The following MTAP variants were observed in gnomAD, a reference collection of about 807,000 sequenced individuals.
MTAP encodes the protein S-methyl-5'-thioadenosine phosphorylase.
A neutral mutation model predicts 33.6 loss-of-function variants in MTAP; 33 were observed. That is an observed-to-expected ratio of 0.98 (90% CI 0.74 to 1.31). The LOEUF (loss-of-function observed/expected upper bound fraction) is 1.31, where lower values mean the gene tolerates loss of function less well. Ranked by LOEUF, MTAP falls within the 40% of genes most tolerant of loss-of-function variation. The probability of loss-of-function intolerance (pLI) is 0.00; values close to 1 mark genes in which losing one functional copy is unlikely to be tolerated. For missense variants in MTAP, 367 were observed against 360.0 expected, an observed-to-expected ratio of 1.02 and a Z score of -0.16; for synonymous variants, 148 against 125.7, an observed-to-expected ratio of 1.18 and a Z score of -1.19.
chr9:21,859,079 T>A, intron 6 of MTAP: 1 of 421,300 alleles, frequency 2.4e-6, no homozygotes, highest in Non-Finnish European at 4.1e-6. Context: ...GGGGCCTCTT[T>A]TGTAAGATCA....
chr9:21,924,463 G>T (rs764537862), intron 1 of MTAP, among the ~76,000 whole-genome samples: 4 of 152,244 alleles, frequency 2.6e-5, no homozygotes, highest in Non-Finnish European at 5.9e-5. Flanking sequence ...TGCTCTATCA[G>T]CTAGATCTGT....
intron 4 of MTAP, among the ~76,000 whole-genome samples, chr9:21,819,592 A>G (rs1824577997): frequency 6.6e-6 from 1 of 152,208 alleles, no homozygotes; most frequent in African/African-American, 2.4e-5. Context: ...ATAGTGCCGC[A>G]ATAAACATAC....
At chr9:21,919,962 A>G (rs1180678501) in intron 1 of MTAP, among the ~76,000 whole-genome samples, 1 of 152,156 alleles carries the variant, frequency 6.6e-6, no homozygotes, top group Non-Finnish European at 1.5e-5. Flanking sequence ...AAATATAAAA[A>G]TTCTTCATGG....
At position 21,864,967 on chromosome 9, in the gene MTAP, C is replaced by T. The variant is rs1395463683; in HGVS notation, c.*2953C>T. On this transcript the variant is annotated 3_prime_UTR_variant, in exon 8 of 8. Transcript: ENST00000644715. Reference sequence around the variant, plus strand: ...TTTAATTTTCTCAACAAGCATTTAGCCAGCACTTATCCAGTGAAACAATTT... The same window carrying T: ...TTTAATTTTCTCAACAAGCATTTAGTCAGCACTTATCCAGTGAAACAATTT... 8 of 985,310 alleles carry T rather than the reference C, an allele frequency of 8.1e-6. No homozygotes were observed. The highest frequency in any genetic ancestry group is 9.6e-6 in the Non-Finnish European group (8 of 829,940). 61.0% of individuals were successfully genotyped at this position (985,310 alleles called of 1,614,324 possible).
chr9:21,870,670 G>A (rs1189366221), downstream of MTAP, among the ~76,000 whole-genome samples: 1 of 151,574 alleles, frequency 6.6e-6, no homozygotes, highest in Non-Finnish European at 1.5e-5. Context: ...ATGTTATGGA[G>A]ATGTAACATT....
chr9:21,905,314 G>A (rs1200029683), intron 1 of MTAP, among the ~76,000 whole-genome samples: 1 of 152,176 alleles, frequency 6.6e-6, no homozygotes, highest in Non-Finnish European at 1.5e-5. Flanking sequence ...AGTTGCCTGT[G>A]TGTGTGCCCG....
intron 1 of MTAP, chr9:21,813,750 C>T (rs1305188921): frequency 6.6e-6 from 1 of 152,198 alleles, no homozygotes. Flanking sequence ...GTCAGCAGTT[C>T]ATATCTGTGT....
chr9:21,936,884 T>A lies in MTAP; in HGVS notation c.*5685T>A, dbSNP rs909610079. On this transcript the variant is annotated 3_prime_UTR_variant, in exon 8 of 8. Transcript: ENST00000580900. ...ATAAGGTATAAGGATGTGCTTTTTT[T>A]TAAGGAAAAGGAAGAATAATTTGGT... 3.9e-5 allele frequency: 6 copies of A among 152,276 alleles called. No individual in the cohort carries two copies. The South Asian group carries it at 1.2e-3, about 32-fold the overall frequency. The allele number at this position is 152,276 out of a possible 1,614,324, so 9.4% of individuals were successfully genotyped here. A position where few individuals can be genotyped will look rare whatever the true frequency, so the allele number is the denominator to read the frequency against.
chr9:21,838,083 T>A, intron 5 of MTAP, 73 bp downstream of exon 5: 1 of 1,292,248 alleles, frequency 7.7e-7, no homozygotes, highest in Non-Finnish European at 1.1e-6. Context: ...ATTTGGTTAA[T>A]TGGCAGAGCG....
intron 6 of MTAP, among the ~76,000 whole-genome samples, chr9:21,857,418 C>T (rs1353310128): frequency 6.6e-6 from 1 of 152,180 alleles, no homozygotes; most frequent in African/African-American, 2.4e-5. Context: ...TTCCTATACA[C>T]ATCTTGGTGT....
chr9:21,816,746 A>T lies in MTAP; in HGVS notation c.153A>T (p.Lys51Asn). 1 of 1,612,320 alleles carries T rather than the reference A, an allele frequency of 6.2e-7. No homozygotes were observed. Among genetic ancestry groups the T allele is most frequent in the Non-Finnish European group, 8.5e-7 (1 of 1,179,322 alleles). Residue 51 changes from lysine to asparagine, a missense_variant, in exon 3 of 8, where the codon AAA (lysine) becomes AAT (asparagine). Lys to Asn is a moderately conservative substitution (Grantham distance 94). Transcript: ENST00000644715. ...ATGCCTTAATTTTGGGGAAGATAAA[A>T]AATGTTGATTGCGTCCTCCTTGCAA... ...PSDALILGKI[K>N]NVDCVLLARH... is the part of the protein sequence containing the mutation.
intron 4 of MTAP, among the ~76,000 whole-genome samples, chr9:21,834,509 C>T (rs963938612): frequency 2.0e-5 from 3 of 152,230 alleles, no homozygotes; most frequent in Admixed American, 6.5e-5. Context: ...ATTGTCAGCA[C>T]GGCTGCATTC....
chr9:21,886,112 G>A (rs1385286638), intron 1 of MTAP, among the ~76,000 whole-genome samples: 2 of 149,478 alleles, frequency 1.3e-5, no homozygotes, highest in African/African-American at 5.0e-5. Context: ...ACCACATCAA[G>A]GCCAACATCT....
chr9:21,849,564 T>C (rs73429391), intron 5 of MTAP, among the ~76,000 whole-genome samples: 81 of 152,260 alleles, frequency 5.3e-4, no homozygotes, highest in African/African-American at 1.8e-3. Flanking sequence ...ACTGGTAAAG[T>C]GATGGCTATT....
chr9:21,861,062 A>C (rs1825743180), intron 7 of MTAP: 1 of 152,090 alleles, frequency 6.6e-6, no homozygotes, highest in Non-Finnish European at 1.5e-5. Context: ...GCGCCCAGCC[A>C]AGTTTATTTT....
At chr9:21,854,132 C>T (rs1414905406) in intron 5 of MTAP, among the ~76,000 whole-genome samples, 1 of 152,170 alleles carries the variant, frequency 6.6e-6, no homozygotes, top group African/African-American at 2.4e-5. Flanking sequence ...CCAGCAAAAG[C>T]TTTTACAGAA....
At chr9:21,923,280 A>G (rs10811638) in intron 1 of MTAP, among the ~76,000 whole-genome samples, 28,308 of 152,186 alleles carry the variant, frequency 0.19, 3,537 homozygotes, top group East Asian at 0.49. Flanking sequence ...GTTATGCTCC[A>G]GGGTCAAGTT....
intron 1 of MTAP, among the ~76,000 whole-genome samples, chr9:21,805,673 G>A (rs1221591942): frequency 3.3e-5 from 5 of 152,168 alleles, no homozygotes; most frequent in Non-Finnish European, 5.9e-5. Flanking sequence ...TTACAAAAGA[G>A]GCCCCAGAGA....
intron 4 of MTAP, among the ~76,000 whole-genome samples, chr9:21,831,187 G>A (rs2118238572): frequency 6.6e-6 from 1 of 152,250 alleles, no homozygotes; most frequent in South Asian, 2.1e-4. Context: ...AAGATACATG[G>A]ACAGGGGATT....
Sources: gnomAD v4.1 joint callset for allele counts (sites outside exome capture counted in the v4.1 genomes callset) on GRCh38, gnomAD v4.1.1 for gene constraint, MANE v1.5 for transcripts, NCBI Gene and HGNC (gene_info 2026-07-23, HGNC 2026-07-21) for gene names.